Variants in TASP1 observed in about 807,000 individuals in gnomAD.
The protein encoded by TASP1 is taspase 1, also known as threonine aspartase 1.
In TASP1, 16 loss-of-function variants were observed where a neutral mutation model predicts 56.6. The ratio of observed to expected loss-of-function variants is 0.28; its 90% CI spans 0.19 to 0.43. TASP1 has a LOEUF of 0.43. Ranked by LOEUF, TASP1 falls within the 20% of genes least tolerant of loss-of-function variation. The pLI is 1.00. For missense variants in TASP1, 393 were observed against 511.6 expected (o/e 0.77, Z 2.24); for synonymous variants, 179 against 184.2 (o/e 0.97, Z 0.23).
the TASP1 span, among the ~76,000 whole-genome samples, chr20:13,308,086 G>A: frequency 1.3e-5 from 2 of 152,168 alleles, no homozygotes; most frequent in Admixed American, 1.3e-4. Context: ...CCCCTTCACT[G>A]TCTTTCCTGA....
the TASP1 span, among the ~76,000 whole-genome samples, chr20:13,268,141 CTTCTCTTCT>C: frequency 6.6e-6 from 1 of 150,522 alleles, no homozygotes; most frequent in African/African-American, 2.5e-5. Flanking sequence ...CTTCTCTTCT[CTTCTCTTCT>C]CTTCCCTTCC....
chr20:13,382,888 C>T, the TASP1 span, among the ~76,000 whole-genome samples: 2 of 152,022 alleles, frequency 1.3e-5, no homozygotes, highest in African/African-American at 4.8e-5. Flanking sequence ...AAAAGGAATG[C>T]AAAATGCTGG....
the TASP1 span, among the ~76,000 whole-genome samples, chr20:13,105,264 G>A: frequency 1.5e-5 from 2 of 134,802 alleles, no homozygotes; most frequent in African/African-American, 6.4e-5. Flanking sequence ...TCCCCTGCAG[G>A]AGGAAAAAAA....
At chr20:13,557,991 G>T (rs556181585) in intron 8 of TASP1, among the ~76,000 whole-genome samples, 339 of 152,204 alleles carry the variant, frequency 2.2e-3, no homozygotes, top group African/African-American at 7.6e-3. Context: ...TTATTAATTT[G>T]TTCATCTGCC....
chr20:13,430,384 G>A (rs992488414), intron 12 of TASP1, among the ~76,000 whole-genome samples: 88 of 152,204 alleles, frequency 5.8e-4, no homozygotes, highest in African/African-American at 2.1e-3. Flanking sequence ...CAGTCAAGAT[G>A]TTGCCATAGA....
At chr20:13,392,833 G>A in intron 13 of TASP1, 2 of 657,184 alleles carry the variant, frequency 3.0e-6, no homozygotes. Context: ...TTCCACCCAT[G>A]GCAAATCCCA....
chr20:13,504,032 T>C (rs895371676), intron 10 of TASP1, among the ~76,000 whole-genome samples: 1 of 152,052 alleles, frequency 6.6e-6, no homozygotes, highest in Non-Finnish European at 1.5e-5. Context: ...GAAAGACACA[T>C]AGCTTTTTTT....
intron 8 of TASP1, 139 bp from the exon 9 acceptor site, chr20:13,534,280 A>C: frequency 9.6e-7 from 1 of 1,041,260 alleles, no homozygotes; most frequent in Non-Finnish European, 1.3e-6. Context: ...CAATCTCCTA[A>C]AATTATCTAT....
the TASP1 span, among the ~76,000 whole-genome samples, chr20:13,345,719 A>C: frequency 5.3e-5 from 8 of 152,198 alleles, no homozygotes; most frequent in African/African-American, 1.9e-4. Context: ...GGAACACCAG[A>C]TGCTTGTTCG....
At chr20:13,570,273 A>C (rs558885426) in intron 6 of TASP1, among the ~76,000 whole-genome samples, 1 of 152,252 alleles carries the variant, frequency 6.6e-6, no homozygotes, top group South Asian at 2.1e-4. Context: ...TTCCCTAAGT[A>C]ATTTGACTAA....
chr20:13,118,249 A>C, the TASP1 span, among the ~76,000 whole-genome samples: 2 of 152,104 alleles, frequency 1.3e-5, no homozygotes, highest in African/African-American at 4.8e-5. Flanking sequence ...TTTTAATCAA[A>C]ACGGTGGCAG....
intron 13 of TASP1, among the ~76,000 whole-genome samples, chr20:13,403,375 T>C (rs1568753418): frequency 6.6e-6 from 1 of 152,136 alleles, no homozygotes; most frequent in Admixed American, 6.5e-5. Context: ...GCAGTGTAAA[T>C]GGGGCCTGTG....
At chr20:13,497,220 CACA>C (rs986581315) in intron 10 of TASP1, among the ~76,000 whole-genome samples, 11 of 152,026 alleles carry the variant, frequency 7.2e-5, no homozygotes, top group African/African-American at 2.4e-4. Flanking sequence ...AGTCTGGGGA[CACA>C]ACAAGAGAGC....
chr20:13,157,597 C>A, the TASP1 span, among the ~76,000 whole-genome samples: 1 of 151,690 alleles, frequency 6.6e-6, no homozygotes, highest in South Asian at 2.1e-4. Flanking sequence ...CTCATTAAAG[C>A]AACACAGAGT....
chr20:13,229,540 A>G, the TASP1 span, among the ~76,000 whole-genome samples: 34,316 of 152,018 alleles, frequency 0.23, 3,899 homozygotes, highest in South Asian at 0.29. Context: ...CCACTGTGTA[A>G]CTCTATCACA....
the TASP1 span, among the ~76,000 whole-genome samples, chr20:13,371,445 T>C: frequency 6.6e-6 from 1 of 150,918 alleles, no homozygotes; most frequent in African/African-American, 2.4e-5. Flanking sequence ...CTGTTAAATT[T>C]ACACATGTTC....
At chr20:13,367,285 T>C in the TASP1 span, among the ~76,000 whole-genome samples, 1 of 152,268 alleles carries the variant, frequency 6.6e-6, no homozygotes, top group Non-Finnish European at 1.5e-5. Context: ...TGTGTTTCTT[T>C]AATCAGTTGG....
At chr20:13,143,002 T>C in the TASP1 span, among the ~76,000 whole-genome samples, 1 of 152,252 alleles carries the variant, frequency 6.6e-6, no homozygotes, top group Non-Finnish European at 1.5e-5. Flanking sequence ...ACTTCATTAC[T>C]GGTGAACATC....
At chr20:13,619,110 T>A (rs1162696337) in intron 4 of TASP1, among the ~76,000 whole-genome samples, 1 of 152,098 alleles carries the variant, frequency 6.6e-6, no homozygotes, top group Non-Finnish European at 1.5e-5. Context: ...CCTGACCTCA[T>A]GATCCATCCG....
Sources: gnomAD v4.1 joint callset for allele counts (sites outside exome capture counted in the v4.1 genomes callset) on GRCh38, gnomAD v4.1.1 for gene constraint, MANE v1.5 for transcripts, NCBI Gene and HGNC (gene_info 2026-07-23, HGNC 2026-07-21) for gene names.